GLIS1: variants seen among roughly 807,000 people sequenced by gnomAD.
The protein encoded by GLIS1 is zinc finger protein GLIS1.
GLIS1 carries 24 observed loss-of-function variants against 63.8 expected under a neutral mutation model. The observed-to-expected ratio is 0.38, with a 90% CI of 0.27 to 0.53. The LOEUF (loss-of-function observed/expected upper bound fraction) is 0.53, where lower values mean the gene tolerates loss of function less well. GLIS1 is among the 20% of genes least tolerant of loss of function. GLIS1 has a pLI of 0.85. For missense variants in GLIS1, 1,036 were observed against 1,074.1 expected (o/e 0.96, Z 0.50); for synonymous variants, 450 against 482.5 (o/e 0.93, Z 0.88).
chr1:53,542,641 C>T (rs891082394), intron 4 of GLIS1, among the ~76,000 whole-genome samples: 1 of 152,350 alleles, frequency 6.6e-6, no homozygotes, highest in Non-Finnish European at 1.5e-5. Context: ...GATGCTCCAG[C>T]TGGGACAGGG....
At chr1:53,620,440 C>A (rs902581249) in intron 2 of GLIS1, among the ~76,000 whole-genome samples, 4 of 152,228 alleles carry the variant, frequency 2.6e-5, no homozygotes, top group African/African-American at 7.2e-5. Flanking sequence ...CTTCTCACTG[C>A]CAGTTTATGC....
At chr1:53,522,292 C>T (rs143138625) in intron 6 of GLIS1, among the ~76,000 whole-genome samples, 11 of 152,368 alleles carry the variant, frequency 7.2e-5, no homozygotes, top group African/African-American at 2.4e-4. Context: ...TCCCTGATGG[C>T]TCTTAATGGA....
chr1:53,566,610 A>G (rs1208983394), intron 4 of GLIS1, among the ~76,000 whole-genome samples: 2 of 152,180 alleles, frequency 1.3e-5, no homozygotes, highest in Non-Finnish European at 1.5e-5. Flanking sequence ...AATAATCCCC[A>G]TATTTCGGGG....
chr1:53,641,090 C>A (rs1645782448), intron 2 of GLIS1, among the ~76,000 whole-genome samples: 2 of 152,158 alleles, frequency 1.3e-5, no homozygotes, highest in South Asian at 2.1e-4. Context: ...GCAATGAATA[C>A]CTCCATAGAG....
At chr1:53,568,637 T>A (rs1043098601) in intron 4 of GLIS1, among the ~76,000 whole-genome samples, 2 of 152,164 alleles carry the variant, frequency 1.3e-5, no homozygotes, top group African/African-American at 4.8e-5. Context: ...GGTGATTGGA[T>A]CATGGGCGGA....
rs754655839 is a variant in GLIS1, at chr1:53,594,775, C to T, written c.653G>A (p.Ser218Asn). ...TPAPSCYLLG[S>N]EPSSGLGLQP... ...GAGGCCCAGGCCAGAGCTGGGTTCG[C>T]TGCCCAGAAGGTAGCAGGAAGGCGC... The change falls in exon 4 of 11, where the codon AGC (serine) becomes AAC (asparagine). Residue 218 changes from serine to asparagine, a missense_variant. This residue lies in a region of GLIS1 where 592 missense variants were observed against 593.9 expected (regional missense o/e 1.00). Transcript: ENST00000628545. 1 of 1,601,052 alleles carries T rather than the reference C, an allele frequency of 6.2e-7. No homozygotes were observed. The highest frequency in any genetic ancestry group is 8.5e-7 in the Non-Finnish European group (1 of 1,174,006).
intron 2 of GLIS1, among the ~76,000 whole-genome samples, chr1:53,724,834 T>C (rs1006591584): frequency 1.3e-5 from 2 of 152,148 alleles, no homozygotes; most frequent in African/African-American, 4.8e-5. Context: ...GCTGTTAAGA[T>C]GATTCATTTT....
In GLIS1 at chr1:53,517,417, C is replaced by T. The variant is rs898145012; in HGVS notation, c.1727-2636G>A. Among the ~76,000 whole-genome samples, 6 of 152,170 alleles carry T rather than the reference C, an allele frequency of 3.9e-5. No homozygotes were observed. The East Asian group carries it at 9.6e-4, about 24-fold the overall frequency. ...AGCGGTGTTTGTGGAGGGAGCCTGGCGAGGAGCTGCCCACACTTTGAGCCA... is the reference window on the plus strand; with the variant it reads ...AGCGGTGTTTGTGGAGGGAGCCTGGTGAGGAGCTGCCCACACTTTGAGCCA... On this transcript the variant is annotated intron_variant, in intron 7 of 10. Transcript: ENST00000628545.
chr1:53,538,094 C>T (rs559919933), intron 4 of GLIS1, among the ~76,000 whole-genome samples: 6 of 152,384 alleles, frequency 3.9e-5, no homozygotes, highest in East Asian at 1.9e-4. Flanking sequence ...CCTGAGGTTA[C>T]TGTCCTGTGC....
chr1:53,597,656 C>T (rs1210048990), intron 3 of GLIS1, among the ~76,000 whole-genome samples: 1 of 151,986 alleles, frequency 6.6e-6, no homozygotes, highest in Admixed American at 6.6e-5. Flanking sequence ...AACACAAGGC[C>T]GTCGGGCGGT....
chr1:53,674,138 C>T (rs939024438), intron 2 of GLIS1, among the ~76,000 whole-genome samples: 13 of 144,602 alleles, frequency 9.0e-5, no homozygotes, highest in African/African-American at 3.3e-4. Flanking sequence ...TGCCACTGCA[C>T]TCCAGCCTGG....
At chr1:53,638,790 A>T (rs1645754724) in intron 2 of GLIS1, among the ~76,000 whole-genome samples, 1 of 152,062 alleles carries the variant, frequency 6.6e-6, no homozygotes, top group Admixed American at 6.5e-5. Flanking sequence ...ACGAGGGTAA[A>T]CCCTGGAGGG....
At chr1:53,718,895 C>G (rs1646725524) in intron 2 of GLIS1, among the ~76,000 whole-genome samples, 1 of 152,246 alleles carries the variant, frequency 6.6e-6, no homozygotes, top group Non-Finnish European at 1.5e-5. Context: ...CCCCTCAGGC[C>G]TGCCAGGTTC....
chr1:53,549,853 T>C (rs1330312022), intron 4 of GLIS1, among the ~76,000 whole-genome samples: 2 of 152,160 alleles, frequency 1.3e-5, no homozygotes, highest in African/African-American at 4.8e-5. Context: ...ATCCCCATAT[T>C]ACCAATGGGC....
At chr1:53,721,061 A>G (rs1027938543) in intron 2 of GLIS1, among the ~76,000 whole-genome samples, 11 of 152,124 alleles carry the variant, frequency 7.2e-5, no homozygotes, top group African/African-American at 2.7e-4. Context: ...GACTAAAAGG[A>G]AAACACAAAA....
At chr1:53,571,812 T>C (rs1048073555) in intron 4 of GLIS1, among the ~76,000 whole-genome samples, 1 of 151,704 alleles carries the variant, frequency 6.6e-6, no homozygotes, top group African/African-American at 2.4e-5. Flanking sequence ...TCTCCTGACC[T>C]CGTGATCCGC....
At chr1:53,548,575 G>T (rs1028425505) in intron 4 of GLIS1, among the ~76,000 whole-genome samples, 2 of 152,160 alleles carry the variant, frequency 1.3e-5, no homozygotes, top group Non-Finnish European at 1.5e-5. Flanking sequence ...CTGGCTCTTT[G>T]GGACAGGTCT....
intron 4 of GLIS1, among the ~76,000 whole-genome samples, chr1:53,550,004 G>C (rs1291247673): frequency 2.0e-5 from 3 of 152,180 alleles, no homozygotes; most frequent in African/African-American, 4.8e-5. Context: ...GGCTGGCATG[G>C]GGTGGCAGCA....
chr1:53,516,428 T>C (rs1481721038), intron 7 of GLIS1, among the ~76,000 whole-genome samples: 1 of 151,802 alleles, frequency 6.6e-6, no homozygotes, highest in Non-Finnish European at 1.5e-5. Flanking sequence ...TCAGGCAGCA[T>C]GGCGGGGAGC....
Sources: allele counts gnomAD v4.1 joint callset (sites outside exome capture counted in the v4.1 genomes callset), GRCh38; gene constraint gnomAD v4.1.1; regional missense constraint gnomAD v4.1.1; transcripts MANE v1.5; gene names NCBI Gene and HGNC (gene_info 2026-07-23, HGNC 2026-07-21).